EHMT1: variants seen among roughly 807,000 people sequenced by gnomAD.
EHMT1 encodes histone-lysine N-methyltransferase EHMT1.
Under a neutral mutation model 147.2 loss-of-function variants are expected in EHMT1, and 15 were observed. The ratio of observed to expected loss-of-function variants is 0.10; its 90% CI spans 0.07 to 0.16. EHMT1 has a LOEUF of 0.16. Among genes scored for constraint, EHMT1 ranks in the 10% least tolerant of loss-of-function variants. EHMT1 has a pLI of 1.00. For synonymous variants in EHMT1, 795 were observed against 709.6 expected (o/e 1.12, Z -1.91); for missense variants, 1,587 against 1,772.4 (o/e 0.90, Z 1.88).
intron 1 of EHMT1, among the ~76,000 whole-genome samples, chr9:137,642,048 C>G (rs1844528967): frequency 6.6e-6 from 1 of 151,698 alleles, no homozygotes; most frequent in African/African-American, 2.4e-5. Flanking sequence ...TCAAGTTGGC[C>G]AAGCTGGTCC....
At chr9:137,692,990 A>C (rs568887012) in intron 1 of EHMT1, among the ~76,000 whole-genome samples, 1 of 152,238 alleles carries the variant, frequency 6.6e-6, no homozygotes, top group Admixed American at 6.5e-5. Flanking sequence ...GCTGGACGGC[A>C]CCTCTGCCTG....
intron 1 of EHMT1, among the ~76,000 whole-genome samples, chr9:137,671,586 G>A (rs922503488): frequency 5.1e-5 from 7 of 137,518 alleles, no homozygotes; most frequent in Non-Finnish European, 1.1e-4. Flanking sequence ...GTGCAGTTGT[G>A]TGACCTTGGC....
At chr9:137,619,814 GTC>G (rs1842843866) in intron 1 of EHMT1, among the ~76,000 whole-genome samples, 1 of 152,084 alleles carries the variant, frequency 6.6e-6, no homozygotes, top group Non-Finnish European at 1.5e-5. Context: ...AGAGATTAAA[GTC>G]TTGCGAGTGG....
Position 137,835,488 on chromosome 9 carries a change from AC to A in EHMT1, c.*539del, listed in dbSNP as rs1312378558. ...CAGGCTCGGAGAGGTCAGGAGACCG[AC>A]CCCACCACTAACTTTGGAGAAAATG... On this transcript the variant is annotated 3_prime_UTR_variant, in exon 27 of 27. Transcript: ENST00000460843. 1 of 152,676 alleles carries A rather than the reference AC, an allele frequency of 6.5e-6. No homozygotes were observed. The highest frequency in any genetic ancestry group is 2.4e-5 in the African/African-American group (1 of 41,456). The allele number at this position is 152,676 out of a possible 1,614,324, so 9.5% of individuals were successfully genotyped here.
At position 137,828,576 on chromosome 9, in the gene EHMT1, G is replaced by A. The variant is rs1303969671; in HGVS notation, c.3541-5773G>A. Among the ~76,000 whole-genome samples the A allele has an allele frequency of 1.3e-5, 2 of 151,582 alleles. No individual in the cohort carries two copies. Among genetic ancestry groups the A allele is most frequent in the South Asian group, 2.1e-4 (1 of 4,782 alleles). ...GAGAAGCCACAAAGTGTGCTCCTGC[G>A]GGGGTGCGGGGTGGGGGAGGTACCA... On this transcript the variant is annotated intron_variant, in intron 25 of 26. Coordinates refer to ENST00000460843, the MANE Select transcript of EHMT1 (RefSeq NM_024757.5). This position sits in a 1 kb window ranked among gnomAD's most constrained non-coding sequence, Gnocchi z 5.3.
At chr9:137,831,907 A>G (rs1020949659) in intron 25 of EHMT1, among the ~76,000 whole-genome samples, 2 of 151,706 alleles carry the variant, frequency 1.3e-5, no homozygotes, top group Admixed American at 6.6e-5. Context: ...CCTCAGTCCT[A>G]GGATTGGCTG....
At chr9:137,695,560 A>G (rs973081320) in intron 1 of EHMT1, among the ~76,000 whole-genome samples, 1 of 152,236 alleles carries the variant, frequency 6.6e-6, no homozygotes, top group African/African-American at 2.4e-5. Context: ...ATTTTGGTCA[A>G]TGAGTCTCAG....
At chr9:137,817,981 C>A in intron 24 of EHMT1, 79 bp from the exon 25 acceptor site, 1 of 1,338,598 alleles carries the variant, frequency 7.5e-7, no homozygotes, top group African/African-American at 1.4e-5. Flanking sequence ...TTCCCTGTGG[C>A]TGCGGAGTCT....
chr9:137,829,895 C>T (rs1395740035), intron 25 of EHMT1, among the ~76,000 whole-genome samples: 3 of 152,248 alleles, frequency 2.0e-5, no homozygotes, highest in East Asian at 1.9e-4. Context: ...CATGCCTTCC[C>T]TGTTTATTAA....
At chr9:137,744,442 C>G (rs1948382135) in intron 6 of EHMT1, among the ~76,000 whole-genome samples, 1 of 152,158 alleles carries the variant, frequency 6.6e-6, no homozygotes, top group Admixed American at 6.5e-5. Flanking sequence ...TCCCAGCCCC[C>G]CGAGCAGCTG....
chr9:137,745,750 G>A, intron 6 of EHMT1: 3 of 390,698 alleles, frequency 7.7e-6, no homozygotes, highest in African/African-American at 6.2e-5. Context: ...GTTTTGCTGA[G>A]TATGCCGGAG....
chr9:137,829,002 C>T (rs73581163), intron 25 of EHMT1, among the ~76,000 whole-genome samples: 9,795 of 152,244 alleles, frequency 0.064, 1,029 homozygotes, highest in African/African-American at 0.22. Context: ...GTGAGGTCCA[C>T]TCCAAGCACC....
At position 137,835,928 on chromosome 9, in the gene EHMT1, A is replaced by T. The variant is rs1427933014; in HGVS notation, c.*975A>T. 1 of 152,578 alleles carries T rather than the reference A, an allele frequency of 6.6e-6. No homozygotes were observed. Among genetic ancestry groups the T allele is most frequent in the African/African-American group, 2.4e-5 (1 of 41,448 alleles). The allele number at this position is 152,578 out of a possible 1,614,324, so 9.5% of individuals were successfully genotyped here. On this transcript the variant is annotated 3_prime_UTR_variant, in exon 27 of 27. Coordinates refer to ENST00000460843, the MANE Select transcript of EHMT1 (RefSeq NM_024757.5). ...GGCAGGTCATATACTTTTTTTTGGC[A>T]TATACCTTTTTAAAGACTGTAATTA...
At chr9:137,773,408 T>C (rs2136600445) in intron 10 of EHMT1, among the ~76,000 whole-genome samples, 1 of 152,256 alleles carries the variant, frequency 6.6e-6, no homozygotes, top group East Asian at 1.9e-4. Flanking sequence ...GGGCCCAGAC[T>C]GTCTTTTAAA....
intron 1 of EHMT1, among the ~76,000 whole-genome samples, chr9:137,632,319 A>T (rs1843687690): frequency 6.6e-6 from 1 of 152,230 alleles, no homozygotes; most frequent in Admixed American, 6.5e-5. Flanking sequence ...AGGGTTGGGA[A>T]GGAATCACAG....
chr9:137,783,817 A>G (rs867180095), intron 15 of EHMT1, among the ~76,000 whole-genome samples: 6 of 152,190 alleles, frequency 3.9e-5, no homozygotes, highest in African/African-American at 1.4e-4. Flanking sequence ...CCGTTTCCGG[A>G]GTCATAACTG....
At chr9:137,629,476 C>T (rs1843478756) in intron 1 of EHMT1, among the ~76,000 whole-genome samples, 1 of 151,782 alleles carries the variant, frequency 6.6e-6, no homozygotes, top group Non-Finnish European at 1.5e-5. Context: ...TCACTGCAAG[C>T]TCCGCCTCCT....
At chr9:137,686,730 CTT>C (rs34204547) in intron 1 of EHMT1, among the ~76,000 whole-genome samples, 15 of 110,988 alleles carry the variant, frequency 1.4e-4, no homozygotes, top group Admixed American at 4.7e-4. Flanking sequence ...CTCATTCTTT[CTT>C]TTTTTTTTTT....
At chr9:137,710,085 A>G (rs1944567015) in intron 1 of EHMT1, among the ~76,000 whole-genome samples, 2 of 151,850 alleles carry the variant, frequency 1.3e-5, no homozygotes, top group Admixed American at 1.3e-4. Context: ...AGGCCTGGCT[A>G]GGAGTGTTTT....
Sources: allele counts gnomAD v4.1 joint callset (sites outside exome capture counted in the v4.1 genomes callset), GRCh38; gene constraint gnomAD v4.1.1; non-coding constraint Gnocchi (gnomAD v3.1); transcripts MANE v1.5; gene names NCBI Gene and HGNC (gene_info 2026-07-23, HGNC 2026-07-21).